Variants in CDK14 observed in about 807,000 individuals in gnomAD.
The protein encoded by CDK14 is cyclin dependent kinase 14.
CDK14 carries 34 observed loss-of-function variants against 60.7 expected under a neutral mutation model. The ratio of observed to expected loss-of-function variants is 0.56; its 90% CI spans 0.43 to 0.75. CDK14 has a LOEUF of 0.75. Among genes scored for constraint, CDK14 ranks in the 30% least tolerant of loss-of-function variants. The probability of loss-of-function intolerance (pLI) is 0.00; values close to 1 mark genes in which losing one functional copy is unlikely to be tolerated. For synonymous variants in CDK14, 197 were observed against 203.7 expected (o/e 0.97, Z 0.28); for missense variants, 482 against 564.1 (o/e 0.85, Z 1.47).
At chr7:90,736,134 G>A (rs1055176166) in intron 3 of CDK14, among the ~76,000 whole-genome samples, 1 of 152,032 alleles carries the variant, frequency 6.6e-6, no homozygotes, top group Non-Finnish European at 1.5e-5. Flanking sequence ...CCCAGCTTTA[G>A]CCCTCCGTGG....
intron 12 of CDK14, 63 bp downstream of exon 12, chr7:91,079,543 T>TGAG (rs1369276013): frequency 6.6e-5 from 77 of 1,160,040 alleles, no homozygotes; most frequent in Non-Finnish European, 9.4e-5. Flanking sequence ...ACAACTCTTC[T>TGAG]CATACGTTTT....
At position 90,803,069 on chromosome 7, in the gene CDK14, T is replaced by C. The variant is rs565066161; in HGVS notation, c.544+12417T>C. Among the ~76,000 whole-genome samples, 7 of 151,588 alleles carry C rather than the reference T, an allele frequency of 4.6e-5. No individual in the cohort carries two copies. In the East Asian group the frequency reaches 1.2e-3, roughly 25 times the overall value. On this transcript the variant is annotated intron_variant, in intron 5 of 14. Transcript: ENST00000380050. Reference sequence around the variant, plus strand: ...AAGCTCTGGGTGCTTGGATAGGGAATATTGGTTGGCAGTTTTGTGATGGGG... The same window carrying C: ...AAGCTCTGGGTGCTTGGATAGGGAACATTGGTTGGCAGTTTTGTGATGGGG...
intron 12 of CDK14, among the ~76,000 whole-genome samples, chr7:91,096,287 C>T (rs1798989486): frequency 6.6e-6 from 1 of 152,120 alleles, no homozygotes; most frequent in Non-Finnish European, 1.5e-5. Context: ...GCTCTGGCTC[C>T]TTCTATCTCT....
chr7:90,654,309 G>A (rs1322203980), intron 2 of CDK14, among the ~76,000 whole-genome samples: 5 of 152,212 alleles, frequency 3.3e-5, no homozygotes, highest in African/African-American at 1.2e-4. Context: ...GAGAAGCAGA[G>A]TGACAGAGAG....
intron 3 of CDK14, among the ~76,000 whole-genome samples, chr7:90,732,586 G>A (rs1489296498): frequency 6.6e-6 from 1 of 152,144 alleles, no homozygotes; most frequent in Non-Finnish European, 1.5e-5. Context: ...TATGTGTCCA[G>A]GAATTTATCC....
chr7:90,660,390 T>C (rs151289721), intron 2 of CDK14, among the ~76,000 whole-genome samples: 2 of 152,332 alleles, frequency 1.3e-5, no homozygotes, highest in Admixed American at 1.3e-4. Context: ...AGCCCCAGTT[T>C]CTTCCTCTGT....
At chr7:90,989,004 G>GTT (rs1189336646) in intron 10 of CDK14, among the ~76,000 whole-genome samples, 2 of 138,996 alleles carry the variant, frequency 1.4e-5, no homozygotes, top group African/African-American at 5.4e-5. Flanking sequence ...GTGTGTGAGT[G>GTT]TGTGTGTGTG....
intron 14 of CDK14, among the ~76,000 whole-genome samples, chr7:91,192,913 A>G (rs1802414904): frequency 6.6e-6 from 1 of 152,204 alleles, no homozygotes; most frequent in Non-Finnish European, 1.5e-5. Flanking sequence ...TGGCTGTCAC[A>G]TTCATCAGAT....
chr7:90,747,622 T>C (rs1009806077), intron 3 of CDK14, 59 bp from the exon 4 acceptor site: 1 of 926,968 alleles, frequency 1.1e-6, no homozygotes, highest in Admixed American at 2.4e-5. Context: ...AAAATCAGGG[T>C]ATTTGTTGTT....
intron 2 of CDK14, among the ~76,000 whole-genome samples, chr7:90,657,743 T>TG (rs1311334956): frequency 6.6e-6 from 1 of 152,218 alleles, no homozygotes; most frequent in African/African-American, 2.4e-5. Context: ...CTTAATGACC[T>TG]GGCCAACTTA....
intron 12 of CDK14, among the ~76,000 whole-genome samples, chr7:91,084,054 T>G (rs1361356132): frequency 1.3e-5 from 2 of 152,204 alleles, no homozygotes; most frequent in African/African-American, 4.8e-5. Context: ...TCTTTTGAGG[T>G]AGGGCAGATA....
intron 5 of CDK14, among the ~76,000 whole-genome samples, chr7:90,848,485 G>T (rs1380848570): frequency 6.6e-6 from 1 of 152,186 alleles, no homozygotes; most frequent in Non-Finnish European, 1.5e-5. Context: ...TCTTGGCCCA[G>T]CTTGGCTGTT....
intron 4 of CDK14, among the ~76,000 whole-genome samples, chr7:90,768,584 T>C (rs763661583): frequency 6.6e-6 from 1 of 152,250 alleles, no homozygotes; most frequent in African/African-American, 2.4e-5. Flanking sequence ...CATTCCATTA[T>C]CTGAAATGAG....
At chr7:90,755,248 T>A (rs1804008118) in intron 4 of CDK14, among the ~76,000 whole-genome samples, 1 of 152,190 alleles carries the variant, frequency 6.6e-6, no homozygotes, top group Admixed American at 6.5e-5. Context: ...ATTAAAAAAA[T>A]GTGGTACATA....
At chr7:90,946,389 A>C (rs543983201) in intron 8 of CDK14, among the ~76,000 whole-genome samples, 10 of 152,210 alleles carry the variant, frequency 6.6e-5, no homozygotes, top group African/African-American at 2.4e-4. Flanking sequence ...CAAAATAAAG[A>C]TGTGCATATC....
In CDK14 at chr7:91,175,210, C is replaced by T. The variant is rs1240619664; in HGVS notation, c.*29-31955C>T. Among the ~76,000 whole-genome samples, 32 of 151,790 alleles carry T rather than the reference C, an allele frequency of 2.1e-4. No homozygotes were observed. In the East Asian group the frequency reaches 4.7e-3, roughly 22 times the overall value. On this transcript the variant is annotated intron_variant, in intron 14 of 14. Transcript: ENST00000380050. ...GAATTTCATATCCAGCCAAACTAAG[C>T]GTCATAAGTGAAGGAGAAATAAAAT... is the stretch of plus-strand genomic sequence containing the variant.
At chr7:91,105,082 C>T (rs957513181) in intron 12 of CDK14, among the ~76,000 whole-genome samples, 1 of 152,130 alleles carries the variant, frequency 6.6e-6, no homozygotes, top group Admixed American at 6.5e-5. Flanking sequence ...ACACCAAGCA[C>T]GTGATTTCAG....
At chr7:91,106,636 C>CA (rs1257113651) in intron 12 of CDK14, among the ~76,000 whole-genome samples, 2 of 151,618 alleles carry the variant, frequency 1.3e-5, no homozygotes, top group Non-Finnish European at 2.9e-5. Flanking sequence ...TAAAGTATTC[C>CA]AATATTTTTG....
chr7:90,750,186 AC>A (rs1584855243), intron 4 of CDK14, among the ~76,000 whole-genome samples: 102 of 151,488 alleles, frequency 6.7e-4, no homozygotes, highest in Middle Eastern at 3.4e-3. Context: ...ACACACACAC[AC>A]ACACACACAC....
Sources: gnomAD v4.1 joint callset for allele counts (sites outside exome capture counted in the v4.1 genomes callset) on GRCh38, gnomAD v4.1.1 for gene constraint, MANE v1.5 for transcripts, NCBI Gene and HGNC (gene_info 2026-07-23, HGNC 2026-07-21) for gene names.